The following PDGFRL variants were observed in gnomAD, a reference collection of about 807,000 sequenced individuals.
PDGFRL encodes the protein platelet derived growth factor receptor like.
Under a neutral mutation model 37.2 loss-of-function variants are expected in PDGFRL, and 46 were observed. That is an observed-to-expected ratio of 1.24 (90% CI 0.98 to 1.58). The LOEUF (loss-of-function observed/expected upper bound fraction) is 1.58, where lower values mean the gene tolerates loss of function less well. Ranked by LOEUF, PDGFRL falls within the 40% of genes most tolerant of loss-of-function variation. The pLI is 0.00. For missense variants in PDGFRL, 692 were observed against 467.6 expected, an observed-to-expected ratio of 1.48 and a Z score of -4.43; for synonymous variants, 251 against 184.3, an observed-to-expected ratio of 1.36 and a Z score of -2.93.
intron 1 of PDGFRL, among the ~76,000 whole-genome samples, chr8:17,580,039 A>G (rs973048307): frequency 5.3e-5 from 8 of 152,190 alleles, no homozygotes; most frequent in African/African-American, 1.9e-4. Flanking sequence ...GATTACCTAC[A>G]TATTTTTATT....
chr8:17,612,234 TA>T (rs1193155138), intron 2 of PDGFRL, among the ~76,000 whole-genome samples: 14 of 152,256 alleles, frequency 9.2e-5, no homozygotes, highest in Non-Finnish European at 2.1e-4. Flanking sequence ...GGTATTTAAA[TA>T]CACATGAGCC....
At chr8:17,618,492 A>T (rs555371500) in intron 2 of PDGFRL, among the ~76,000 whole-genome samples, 1 of 152,230 alleles carries the variant, frequency 6.6e-6, no homozygotes, top group Admixed American at 6.5e-5. Context: ...ACAATGAATC[A>T]GGCATTGCAC....
chr8:17,591,416 T>C (rs1207266909), intron 2 of PDGFRL, among the ~76,000 whole-genome samples: 1 of 152,180 alleles, frequency 6.6e-6, no homozygotes, highest in African/African-American at 2.4e-5. Context: ...AGGGGGTGTG[T>C]ACGGGGTTAC....
intron 3 of PDGFRL, among the ~76,000 whole-genome samples, chr8:17,622,830 T>C (rs996800745): frequency 6.6e-6 from 1 of 152,150 alleles, no homozygotes; most frequent in Non-Finnish European, 1.5e-5. Flanking sequence ...GAGGCGTGAA[T>C]TCCTGGCGGC....
chr8:17,620,584 G>A (rs1175625631), intron 2 of PDGFRL, among the ~76,000 whole-genome samples: 1 of 152,130 alleles, frequency 6.6e-6, no homozygotes, highest in Non-Finnish European at 1.5e-5. Flanking sequence ...TTCACATCTT[G>A]TATTGCTCAT....
Position 17,621,052 on chromosome 8 carries a change from G to T in PDGFRL, c.355G>T (p.Val119Phe), listed in dbSNP as rs767023792. The T allele has an allele frequency of 1.9e-6, 3 of 1,596,708 alleles. No homozygotes were observed. In the Admixed American group the frequency reaches 5.1e-5, roughly 27 times the overall value. The change falls in exon 3 of 6, where the codon GTC (valine) becomes TTC (phenylalanine). Residue 119 changes from valine (V) to phenylalanine (F), a missense_variant and splice_region_variant. Physicochemically the swap from Val to Phe is conservative, Grantham distance 50. Transcript: ENST00000251630. ...AGTTCATGTGTCTTTTATTCCTAGC[G>T]TCAAGCAGAATGAGCGCTACGGCCA... The part of the protein sequence containing the change: ...LDTFKDSRLS[V>F]KQNERYGQLT...
chr8:17,578,359 A>C (rs1803632886), intron 1 of PDGFRL, among the ~76,000 whole-genome samples: 1 of 152,136 alleles, frequency 6.6e-6, no homozygotes, highest in South Asian at 2.1e-4. Flanking sequence ...TACATTTGCC[A>C]AAAAAATACC....
At chr8:17,602,082 A>G (rs539325064) in intron 2 of PDGFRL, among the ~76,000 whole-genome samples, 8 of 152,320 alleles carry the variant, frequency 5.3e-5, no homozygotes, top group African/African-American at 1.9e-4. Context: ...TCCCACCTGC[A>G]GTATGTAAAC....
At chr8:17,639,918 C>A (rs1212092797) in intron 5 of PDGFRL, among the ~76,000 whole-genome samples, 1 of 152,112 alleles carries the variant, frequency 6.6e-6, no homozygotes, top group Non-Finnish European at 1.5e-5. Flanking sequence ...ACCAATTATT[C>A]TTAGGTTTGT....
chr8:17,585,185 C>T (rs995546712), intron 1 of PDGFRL, among the ~76,000 whole-genome samples: 1 of 152,116 alleles, frequency 6.6e-6, no homozygotes, highest in Non-Finnish European at 1.5e-5. Context: ...TCGTGGCCAT[C>T]TTGGTTTTGG....
At chr8:17,631,179 C>T (rs879452539) in intron 4 of PDGFRL, among the ~76,000 whole-genome samples, 7 of 152,244 alleles carry the variant, frequency 4.6e-5, no homozygotes, top group East Asian at 1.9e-4. Flanking sequence ...TCTCTGAGGC[C>T]GCTCCCTCGC....
intron 4 of PDGFRL, 59 bp downstream of exon 4, chr8:17,628,839 G>C: frequency 8.8e-7 from 1 of 1,139,574 alleles, no homozygotes; most frequent in Non-Finnish European, 1.3e-6. Flanking sequence ...TTCAGGTACT[G>C]CTGTTCCCTG....
intron 5 of PDGFRL, among the ~76,000 whole-genome samples, chr8:17,639,679 T>C (rs1257824788): frequency 1.3e-5 from 2 of 152,196 alleles, no homozygotes; most frequent in African/African-American, 2.4e-5. Flanking sequence ...TTATAAGTTA[T>C]CTGGTGCTTT....
At chr8:17,634,490 T>A (rs906070125) in intron 5 of PDGFRL, among the ~76,000 whole-genome samples, 2 of 152,148 alleles carry the variant, frequency 1.3e-5, no homozygotes, top group Non-Finnish European at 2.9e-5. Context: ...GGTTTTTTTT[T>A]TTTTAAACCC....
At chr8:17,601,567 A>G (rs1490637353) in intron 2 of PDGFRL, among the ~76,000 whole-genome samples, 2 of 151,616 alleles carry the variant, frequency 1.3e-5, no homozygotes, top group Non-Finnish European at 2.9e-5. Flanking sequence ...TTCATTATCC[A>G]GGTAATAAGC....
intron 2 of PDGFRL, among the ~76,000 whole-genome samples, chr8:17,618,099 C>T (rs1413444721): frequency 6.6e-6 from 1 of 152,026 alleles, no homozygotes; most frequent in Non-Finnish European, 1.5e-5. Flanking sequence ...GCTCTGTCGC[C>T]TAGGCTGGAG....
chr8:17,629,524 C>G lies in PDGFRL; in HGVS notation c.799+744C>G, dbSNP rs532952074. 2.6e-5 allele frequency among the ~76,000 whole-genome samples: 4 copies of G among 152,294 alleles called. No individual in the cohort carries two copies. The South Asian group carries it at 8.3e-4, about 32-fold the overall frequency. ...GTACCCATTGCCACCTGCCAACCCT[C>G]ATTCTCTGCCCTTCTGTTGGGAACC... On this transcript the variant is annotated intron_variant, in intron 4 of 5. Coordinates refer to ENST00000251630, the MANE Select transcript of PDGFRL (RefSeq NM_001372073.1).
chr8:17,608,116 G>T (rs1251133112), intron 2 of PDGFRL, among the ~76,000 whole-genome samples: 3 of 152,146 alleles, frequency 2.0e-5, no homozygotes, highest in Non-Finnish European at 4.4e-5. Context: ...CTCCTGCCTC[G>T]CTTGGTGCCT....
intron 5 of PDGFRL, among the ~76,000 whole-genome samples, chr8:17,638,788 A>AAAT (rs1805033168): frequency 1.4e-5 from 1 of 71,584 alleles, no homozygotes; most frequent in Non-Finnish European, 2.8e-5. Context: ...TATATATATA[A>AAAT]TTGTGATATT....
Sources: gnomAD v4.1 joint callset for allele counts (sites outside exome capture counted in the v4.1 genomes callset) on GRCh38, gnomAD v4.1.1 for gene constraint, MANE v1.5 for transcripts, NCBI Gene and HGNC (gene_info 2026-07-23, HGNC 2026-07-21) for gene names.